BRF1: variants seen among roughly 807,000 people sequenced by gnomAD.
BRF1 encodes BRF1 general transcription factor IIIB subunit.
BRF1 carries 59 observed loss-of-function variants against 81.7 expected under a neutral mutation model. The observed-to-expected ratio is 0.72, with a 90% CI of 0.59 to 0.90. The LOEUF (loss-of-function observed/expected upper bound fraction) is 0.90. Among genes scored for constraint, BRF1 ranks in the 40% least tolerant of loss-of-function variants. The pLI, the probability that BRF1 is intolerant of heterozygous loss-of-function variation, is 0.00. For missense variants in BRF1, 1,050 were observed against 936.3 expected, an observed-to-expected ratio of 1.12 and a Z score of -1.58; for synonymous variants, 491 against 395.6, an observed-to-expected ratio of 1.24 and a Z score of -2.86.
upstream of BRF1, among the ~76,000 whole-genome samples, chr14:105,304,345 A>G (rs930657509): frequency 9.9e-5 from 15 of 151,990 alleles, no homozygotes; most frequent in African/African-American, 3.4e-4. Flanking sequence ...AAAAATTAGC[A>G]GGTGTGATGG....
chr14:105,241,114 G>T (rs587606763), intron 6 of BRF1, 151 bp downstream of exon 6: 2 of 1,266,108 alleles, frequency 1.6e-6, no homozygotes, highest in Non-Finnish European at 1.1e-6. Flanking sequence ...TGAGGACCCC[G>T]GTGGGCCAGG....
intron 1 of BRF1, among the ~76,000 whole-genome samples, chr14:105,312,114 C>T (rs979115593): frequency 1.3e-5 from 2 of 152,344 alleles, no homozygotes; most frequent in South Asian, 2.1e-4. Flanking sequence ...CATCTTAGCC[C>T]AGGCTGAGGA....
At chr14:105,270,096 T>A (rs2056593953) in intron 3 of BRF1, among the ~76,000 whole-genome samples, 1 of 152,034 alleles carries the variant, frequency 6.6e-6, no homozygotes, top group Non-Finnish European at 1.5e-5. Context: ...GCACTCTGCA[T>A]CATCCCTGTC....
At chr14:105,272,501 T>C (rs1270083491) in intron 3 of BRF1, among the ~76,000 whole-genome samples, 1 of 152,208 alleles carries the variant, frequency 6.6e-6, no homozygotes, top group African/African-American at 2.4e-5. Context: ...CCAAGGGCTG[T>C]GCGAGGAAGG....
intron 1 of BRF1, among the ~76,000 whole-genome samples, chr14:105,296,207 G>A (rs2057737809): frequency 6.6e-6 from 1 of 151,898 alleles, no homozygotes; most frequent in African/African-American, 2.4e-5. Context: ...GGCCAACATG[G>A]CAAAACCCCA....
chr14:105,250,103 G>A lies in BRF1; in HGVS notation c.544+2404C>T, dbSNP rs1210948929. The A allele has an allele frequency of 5.6e-6, 9 of 1,612,812 alleles. No homozygotes were observed. Among genetic ancestry groups the A allele is most frequent in the Non-Finnish European group, 6.8e-6 (8 of 1,180,046 alleles). The stretch of plus-strand genomic sequence containing the variant: ...GACCCTAGAGGAGTTTGCCAACGGC[G>A]CTGCCCAGTCAGACATCCTGACTCT... On this transcript the variant is annotated intron_variant, in intron 5 of 17. Coordinates refer to ENST00000547530, the MANE Select transcript of BRF1 (RefSeq NM_001519.4).
At chr14:105,265,461 C>T (rs1307783529) in intron 3 of BRF1, among the ~76,000 whole-genome samples, 1 of 152,114 alleles carries the variant, frequency 6.6e-6, no homozygotes, top group Non-Finnish European at 1.5e-5. Flanking sequence ...TTCTTAAAAG[C>T]AGGTAGTGGG....
intron 10 of BRF1, among the ~76,000 whole-genome samples, chr14:105,225,091 C>T (rs996824321): frequency 3.3e-5 from 5 of 152,184 alleles, no homozygotes; most frequent in Non-Finnish European, 7.3e-5. Context: ...GCCACATTCC[C>T]GGGACATGCA....
chr14:105,255,129 C>T (rs1472944199), intron 4 of BRF1, among the ~76,000 whole-genome samples: 3 of 152,190 alleles, frequency 2.0e-5, no homozygotes, highest in Non-Finnish European at 2.9e-5. Flanking sequence ...TCCATGAGCT[C>T]GCCATGGGAC....
chr14:105,242,438 TA>T (rs1381946878), intron 5 of BRF1: 1 of 151,920 alleles, frequency 6.6e-6, no homozygotes, highest in Non-Finnish European at 1.5e-5. Context: ...AAGAGAACGA[TA>T]AAAAATATGC....
intron 5 of BRF1, among the ~76,000 whole-genome samples, chr14:105,251,326 C>T (rs587637217): frequency 3.9e-5 from 6 of 152,204 alleles, no homozygotes; most frequent in Non-Finnish European, 8.8e-5. Flanking sequence ...TAATGCATCA[C>T]TAGCACCTCA....
intron 5 of BRF1, 33 bp from the exon 6 acceptor site, chr14:105,241,447 C>G (rs773996704): frequency 6.2e-6 from 10 of 1,606,598 alleles, no homozygotes; most frequent in Non-Finnish European, 8.5e-6. Context: ...GTGCCCACCT[C>G]CATGTGCCAT....
intron 5 of BRF1, chr14:105,249,745 C>T (rs369736670): frequency 4.2e-5 from 67 of 1,613,832 alleles, no homozygotes; most frequent in Non-Finnish European, 5.1e-5. Context: ...CCTGTGTCAA[C>T]TTTCTGGAGA....
At chr14:105,218,608 G>C (rs1017743462) in intron 14 of BRF1, among the ~76,000 whole-genome samples, 9 of 152,234 alleles carry the variant, frequency 5.9e-5, no homozygotes, top group South Asian at 4.1e-4. Flanking sequence ...TAAGCTGGCA[G>C]AGCAAGTCAC....
chr14:105,229,647 G>T (rs587706145), intron 6 of BRF1, among the ~76,000 whole-genome samples: 3 of 150,960 alleles, frequency 2.0e-5, no homozygotes, highest in East Asian at 3.9e-4. Flanking sequence ...TGGGGGCGGG[G>T]GACAGCCTGG....
chr14:105,256,274 C>T (rs1045296645), intron 4 of BRF1: 25 of 1,545,556 alleles, frequency 1.6e-5, no homozygotes, highest in African/African-American at 8.2e-5. Context: ...AACACCCAAC[C>T]GTGCCCAGCA....
chr14:105,315,157 C>T lies in BRF1; in HGVS notation c.-162+165G>A. 1 of 506,896 alleles carries T rather than the reference C, an allele frequency of 2.0e-6. No homozygotes were observed. Among genetic ancestry groups the T allele is most frequent in the Non-Finnish European group, 2.6e-6 (1 of 384,686 alleles). 31.4% of individuals were successfully genotyped at this position (506,896 alleles called of 1,614,324 possible). On this transcript the variant is annotated intron_variant, in intron 1 of 17. Transcript: ENST00000327359. The surrounding 1 kb of genome is among the most constrained non-coding windows in gnomAD (Gnocchi z 4.4). ...CCAGCGGAGCCCAGGTCGCCCCCCG[C>T]GCCCCCGCCCGCCGGTTCGACGCGT... is the stretch of plus-strand genomic sequence containing the variant.
rs77849738 is a variant in BRF1 at position 105,212,563 on chromosome 14, C to G, written c.1773-399G>C. The G allele has an allele frequency of 1.4e-5, 3 of 210,464 alleles. No homozygotes were observed. The East Asian group carries it at 3.8e-4, about 27-fold the overall frequency. 13.0% of individuals were successfully genotyped at this position (210,464 alleles called of 1,614,324 possible). A position where few individuals can be genotyped will look rare whatever the true frequency, so the allele number is the denominator to read the frequency against. On this transcript the variant is annotated intron_variant, in intron 15 of 17. Coordinates refer to ENST00000547530, the MANE Select transcript of BRF1 (RefSeq NM_001519.4). ...CAACCCTCACCAGGCCCAGGGCAAT[C>G]CCTACATCTGCTGACAACACCCTGC...
chr14:105,273,253 C>T (rs1333738996), intron 2 of BRF1, among the ~76,000 whole-genome samples: 1 of 152,176 alleles, frequency 6.6e-6, no homozygotes, highest in African/African-American at 2.4e-5. Context: ...CCCTGGGCTA[C>T]AGTGGGAATG....
Sources: gnomAD v4.1 joint callset for allele counts (sites outside exome capture counted in the v4.1 genomes callset) on GRCh38, gnomAD v4.1.1 for gene constraint, Gnocchi (gnomAD v3.1) non-coding constraint, MANE v1.5 for transcripts, NCBI Gene and HGNC (gene_info 2026-07-23, HGNC 2026-07-21) for gene names.